LRP1B: variants seen among roughly 807,000 people sequenced by gnomAD.
The protein encoded by LRP1B is low-density lipoprotein receptor-related protein 1B.
A neutral mutation model predicts 556.6 loss-of-function variants in LRP1B; 217 were observed. The ratio of observed to expected loss-of-function variants is 0.39; its 90% CI spans 0.35 to 0.44. LRP1B has a LOEUF of 0.44. Among genes scored for constraint, LRP1B ranks in the 20% least tolerant of loss-of-function variants. The pLI is 1.00. For synonymous variants in LRP1B, 2,047 were observed against 1,865.8 expected (o/e 1.10, Z -2.50); for missense variants, 5,053 against 5,620.8 (o/e 0.90, Z 3.23).
At chr2:140,796,771 T>C (rs530716506) in intron 32 of LRP1B, among the ~76,000 whole-genome samples, 8 of 152,216 alleles carry the variant, frequency 5.3e-5, no homozygotes, top group Middle Eastern at 3.4e-3. Flanking sequence ...AGCATAATTA[T>C]AGTGCATTTA....
intron 2 of LRP1B, among the ~76,000 whole-genome samples, chr2:141,589,864 G>A (rs1426473085): frequency 6.6e-6 from 1 of 152,170 alleles, no homozygotes; most frequent in Non-Finnish European, 1.5e-5. Context: ...GGAAGAGTTA[G>A]GGTGCACATC....
intron 7 of LRP1B, among the ~76,000 whole-genome samples, chr2:141,108,476 G>T (rs1700667954): frequency 6.7e-6 from 1 of 150,016 alleles, no homozygotes; most frequent in Admixed American, 6.7e-5. Flanking sequence ...AGCTTCCCGA[G>T]TAGCTGGGAT....
chr2:141,867,967 A>G (rs980218757), intron 1 of LRP1B, among the ~76,000 whole-genome samples: 3 of 152,120 alleles, frequency 2.0e-5, no homozygotes, highest in Non-Finnish European at 2.9e-5. Flanking sequence ...TAATTTGGGA[A>G]ATAACTGAAA....
Position 140,840,974 on chromosome 2 carries a change from G to A in LRP1B, c.5058C>T (p.Thr1686=), listed in dbSNP as rs1438795976. 2 of 1,612,996 alleles carry A rather than the reference G, an allele frequency of 1.2e-6. No individual in the cohort carries two copies. The highest frequency in any genetic ancestry group is 1.7e-6 in the Non-Finnish European group (2 of 1,179,528). ...NVARLDGSLK[T]SIIHGIDKPQ... ...GCTTATCGATTCCATGGATAATTGA[G>A]GTTTTCAAAGAGCCATCTAGCCTTG... Residue 1686 remains threonine (T), a synonymous_variant, in exon 30 of 91, where the codon ACC becomes ACT. Transcript: ENST00000389484.
intron 1 of LRP1B, among the ~76,000 whole-genome samples, chr2:141,908,639 G>T (rs1035597369): frequency 3.9e-5 from 6 of 151,914 alleles, no homozygotes; most frequent in African/African-American, 1.4e-4. Context: ...ATGTAATAAA[G>T]ACCTCATTAC....
chr2:142,115,494 T>TAATTA (rs1707160989), intron 1 of LRP1B, among the ~76,000 whole-genome samples: 3 of 90,868 alleles, frequency 3.3e-5, no homozygotes, highest in African/African-American at 1.3e-4. Context: ...TATATAATTA[T>TAATTA]ATATAATATA....
At chr2:140,533,834 G>A (rs965063540) in intron 47 of LRP1B, among the ~76,000 whole-genome samples, 187 bp downstream of exon 47, 1 of 152,130 alleles carries the variant, frequency 6.6e-6, no homozygotes, top group African/African-American at 2.4e-5. Flanking sequence ...GTAGAAAACA[G>A]AAATGGAGAA....
chr2:142,005,937 C>T (rs1237859122), intron 1 of LRP1B, among the ~76,000 whole-genome samples: 1 of 149,550 alleles, frequency 6.7e-6, no homozygotes, highest in African/African-American at 2.4e-5. Context: ...TACAGTATTT[C>T]AACAAATGAG....
At chr2:141,700,200 C>G (rs866818167) in intron 2 of LRP1B, among the ~76,000 whole-genome samples, 1 of 151,682 alleles carries the variant, frequency 6.6e-6, no homozygotes, top group South Asian at 2.1e-4. Flanking sequence ...TTTTAAAACT[C>G]TGGTAAGATA....
chr2:140,794,680 C>T (rs888803591), intron 32 of LRP1B, among the ~76,000 whole-genome samples: 1 of 151,578 alleles, frequency 6.6e-6, no homozygotes, highest in Non-Finnish European at 1.5e-5. Flanking sequence ...ATGGTACAAT[C>T]TCGGCTCACC....
chr2:141,434,342 C>T (rs1444367961), intron 3 of LRP1B, among the ~76,000 whole-genome samples: 1 of 151,992 alleles, frequency 6.6e-6, no homozygotes, highest in Non-Finnish European at 1.5e-5. Flanking sequence ...TTTGTTGATT[C>T]TTTTTTTCTG....
chr2:140,739,769 T>C (rs914154430), intron 35 of LRP1B, among the ~76,000 whole-genome samples: 4 of 152,090 alleles, frequency 2.6e-5, no homozygotes, highest in African/African-American at 9.7e-5. Context: ...ATCTTCACAA[T>C]CTATACATCT....
At chr2:141,728,433 C>A (rs1400627149) in intron 2 of LRP1B, among the ~76,000 whole-genome samples, 1 of 152,062 alleles carries the variant, frequency 6.6e-6, no homozygotes, top group Non-Finnish European at 1.5e-5. Flanking sequence ...AAGAGAGAGT[C>A]TAGGGAATGA....
intron 2 of LRP1B, among the ~76,000 whole-genome samples, chr2:141,578,622 G>T (rs1686846618): frequency 6.6e-6 from 1 of 152,050 alleles, no homozygotes; most frequent in Non-Finnish European, 1.5e-5. Flanking sequence ...TAAAAGCTAG[G>T]ATAGAAAAAT....
chr2:140,457,720 A>T (rs975051238), intron 60 of LRP1B, 69 bp from the exon 61 acceptor site: 5 of 1,226,202 alleles, frequency 4.1e-6, no homozygotes, highest in Non-Finnish European at 5.9e-6. Flanking sequence ...TCAATACTAC[A>T]TGGGCTGACA....
At chr2:141,170,581 T>G (rs1374137015) in intron 7 of LRP1B, among the ~76,000 whole-genome samples, 4 of 152,070 alleles carry the variant, frequency 2.6e-5, no homozygotes, top group African/African-American at 9.7e-5. Context: ...AAGGGCTGAC[T>G]AGGCATGGGA....
chr2:142,024,594 T>C (rs975007917), intron 1 of LRP1B, among the ~76,000 whole-genome samples: 3 of 151,686 alleles, frequency 2.0e-5, no homozygotes, highest in African/African-American at 4.8e-5. Context: ...TTCTGGTAGC[T>C]TGTCATGTCA....
chr2:141,508,087 C>CCA (rs72540287), intron 2 of LRP1B, among the ~76,000 whole-genome samples: 2 of 47,976 alleles, frequency 4.2e-5, no homozygotes, highest in South Asian at 4.8e-4. Context: ...CTCCATCCCC[C>CCA]CCCCAAAAAA....
chr2:141,668,704 C>A (rs1418218186), intron 2 of LRP1B, among the ~76,000 whole-genome samples: 1 of 152,178 alleles, frequency 6.6e-6, no homozygotes, highest in Non-Finnish European at 1.5e-5. Context: ...TAATCTGATT[C>A]TTCCTGGAAG....
Sources: allele counts gnomAD v4.1 joint callset (sites outside exome capture counted in the v4.1 genomes callset), GRCh38; gene constraint gnomAD v4.1.1; transcripts MANE v1.5; gene names NCBI Gene and HGNC (gene_info 2026-07-23, HGNC 2026-07-21).